Variants in GPR158 observed in about 807,000 individuals in gnomAD.
GPR158 encodes G protein-coupled receptor 158.
GPR158 carries 30 observed loss-of-function variants against 78.2 expected under a neutral mutation model. That is an observed-to-expected ratio of 0.38 (90% CI 0.29 to 0.52). The LOEUF (loss-of-function observed/expected upper bound fraction) is 0.52. Among genes scored for constraint, GPR158 ranks in the 20% least tolerant of loss-of-function variants. The pLI is 0.83. For missense variants in GPR158, 1,463 were observed against 1,523.5 expected (o/e 0.96, Z 0.66); for synonymous variants, 581 against 591.1 (o/e 0.98, Z 0.25).
At chr10:25,455,791 A>G (rs2130606391) in intron 4 of GPR158, among the ~76,000 whole-genome samples, 1 of 152,352 alleles carries the variant, frequency 6.6e-6, no homozygotes, top group South Asian at 2.1e-4. Flanking sequence ...AAACAGCAGA[A>G]TTTAGTGAAG....
At chr10:25,565,189 G>A (rs528182099) in intron 6 of GPR158, among the ~76,000 whole-genome samples, 1 of 151,738 alleles carries the variant, frequency 6.6e-6, no homozygotes, top group Admixed American at 6.5e-5. Context: ...TAACTAATTG[G>A]TCAATTAAAT....
chr10:25,186,920 A>C (rs182864603), intron 1 of GPR158, among the ~76,000 whole-genome samples: 1 of 151,662 alleles, frequency 6.6e-6, no homozygotes, highest in East Asian at 1.9e-4. Flanking sequence ...GACACAACAA[A>C]AAAAAGAGAA....
chr10:25,422,025 A>G (rs1834758927), intron 4 of GPR158, among the ~76,000 whole-genome samples: 1 of 152,126 alleles, frequency 6.6e-6, no homozygotes, highest in South Asian at 2.1e-4. Flanking sequence ...ATATTTTCTC[A>G]TTATGAATTG....
chr10:25,430,371 C>G (rs987748512), intron 4 of GPR158, among the ~76,000 whole-genome samples: 24 of 150,378 alleles, frequency 1.6e-4, no homozygotes, highest in African/African-American at 5.9e-4. Flanking sequence ...AGGATACAAA[C>G]AAATGGAAGA....
intron 2 of GPR158, among the ~76,000 whole-genome samples, chr10:25,347,447 G>A (rs11816375): frequency 0.13 from 19,697 of 152,034 alleles, 1,717 homozygotes; most frequent in Non-Finnish European, 0.19. Flanking sequence ...GTAAGGCAGC[G>A]TATTCACAGG....
chr10:25,577,138 CTTAAT>C (rs1837112291), intron 7 of GPR158, among the ~76,000 whole-genome samples: 1 of 152,144 alleles, frequency 6.6e-6, no homozygotes, highest in African/African-American at 2.4e-5. Flanking sequence ...TATTTAACCT[CTTAAT>C]TTAATGGTTT....
chr10:25,455,567 G>C (rs1835279606), intron 4 of GPR158, among the ~76,000 whole-genome samples: 1 of 152,092 alleles, frequency 6.6e-6, no homozygotes, highest in Non-Finnish European at 1.5e-5. Context: ...ATTCATCACA[G>C]ATAAGAAAGA....
At chr10:25,583,837 A>C (rs1837234208) in intron 7 of GPR158, among the ~76,000 whole-genome samples, 1 of 152,202 alleles carries the variant, frequency 6.6e-6, no homozygotes, top group Admixed American at 6.5e-5. Context: ...TTATTAATAC[A>C]AAACGCCTTT....
chr10:25,534,698 G>A (rs1588902142), intron 5 of GPR158, among the ~76,000 whole-genome samples: 1 of 152,032 alleles, frequency 6.6e-6, no homozygotes. Flanking sequence ...AGGTTGCAGC[G>A]AGCCAACATT....
At chr10:25,304,413 A>G (rs533239182) in intron 2 of GPR158, among the ~76,000 whole-genome samples, 2 of 152,204 alleles carry the variant, frequency 1.3e-5, no homozygotes, top group South Asian at 4.1e-4. Context: ...GTGTTTCACA[A>G]TTCTGGCTCC....
At chr10:25,225,083 G>A (rs111920440) in intron 2 of GPR158, among the ~76,000 whole-genome samples, 2,384 of 151,800 alleles carry the variant, frequency 0.016, 62 homozygotes, top group African/African-American at 0.055. Flanking sequence ...TGAAGGAATG[G>A]TTTTTGTTGT....
At chr10:25,362,232 G>C (rs1344918193) in intron 2 of GPR158, among the ~76,000 whole-genome samples, 1 of 151,814 alleles carries the variant, frequency 6.6e-6, no homozygotes, top group Non-Finnish European at 1.5e-5. Context: ...TCCATGTTGT[G>C]GTCTTGGCAT....
At chr10:25,200,678 G>T (rs1852911604) in intron 1 of GPR158, among the ~76,000 whole-genome samples, 1 of 151,986 alleles carries the variant, frequency 6.6e-6, no homozygotes, top group African/African-American at 2.4e-5. Flanking sequence ...TTTGTATATG[G>T]TGTAAGAAAG....
rs536428348 is a variant in GPR158 at position 25,368,301 on chromosome 10, A to G, written c.1009-27610A>G. On this transcript the variant is annotated intron_variant, in intron 2 of 10. Coordinates refer to ENST00000376351, the MANE Select transcript of GPR158 (RefSeq NM_020752.3). ...AAGACAGTATTTTTTTTTAGAGTAA[A>G]CAGACAACCTACAGAATGGGAGAAA... Among the ~76,000 whole-genome samples, 24 of 151,806 alleles carry G rather than the reference A, an allele frequency of 1.6e-4. No homozygotes were observed. In the South Asian group the frequency reaches 2.1e-3, roughly 13 times the overall value.
At chr10:25,396,801 A>G (rs1488682554) in intron 3 of GPR158, among the ~76,000 whole-genome samples, 1 of 152,218 alleles carries the variant, frequency 6.6e-6, no homozygotes, top group African/African-American at 2.4e-5. Flanking sequence ...AAATAAAAAT[A>G]AAAGCAAATA....
At chr10:25,379,419 T>C (rs6482476) in intron 2 of GPR158, among the ~76,000 whole-genome samples, 95,354 of 151,958 alleles carry the variant, frequency 0.63, 31,380 homozygotes, top group Non-Finnish European at 0.75. Flanking sequence ...TAGTAGTCCA[T>C]GAAAGGCTCA....
intron 2 of GPR158, among the ~76,000 whole-genome samples, chr10:25,245,418 A>C (rs908114406): frequency 6.6e-6 from 1 of 152,142 alleles, no homozygotes; most frequent in African/African-American, 2.4e-5. Context: ...GGAAGAAAGG[A>C]TTAAAAAAAA....
chr10:25,464,442 A>G, intron 4 of GPR158, among the ~76,000 whole-genome samples: 1 of 152,222 alleles, frequency 6.6e-6, no homozygotes, highest in East Asian at 1.9e-4. Flanking sequence ...TCTAGTTTTC[A>G]AATTCATCAT....
chr10:25,424,848 G>A (rs938531234), intron 4 of GPR158, among the ~76,000 whole-genome samples: 2 of 152,176 alleles, frequency 1.3e-5, no homozygotes, highest in African/African-American at 4.8e-5. Context: ...TTTTGCTTAG[G>A]ATTATCTTGG....
Sources: gnomAD v4.1 joint callset for allele counts (sites outside exome capture counted in the v4.1 genomes callset) on GRCh38, gnomAD v4.1.1 for gene constraint, MANE v1.5 for transcripts, NCBI Gene and HGNC (gene_info 2026-07-23, HGNC 2026-07-21) for gene names.